Variants in DECR1 observed in about 807,000 individuals in gnomAD.
DECR1 encodes 2,4-dienoyl-CoA reductase 1.
DECR1 carries 44 observed loss-of-function variants against 38.8 expected under a neutral mutation model. The observed-to-expected ratio is 1.13, with a 90% CI of 0.89 to 1.46. The LOEUF (loss-of-function observed/expected upper bound fraction) is 1.46, where lower values mean the gene tolerates loss of function less well. Among genes scored for constraint, DECR1 ranks in the 40% most tolerant of loss-of-function variants. The pLI, the probability that DECR1 is intolerant of heterozygous loss-of-function variation, is 0.00. For missense variants in DECR1, 428 were observed against 405.5 expected, an observed-to-expected ratio of 1.06 and a Z score of -0.48; for synonymous variants, 148 against 135.2, an observed-to-expected ratio of 1.09 and a Z score of -0.66.
intron 1 of DECR1, 192 bp from the exon 2 acceptor site, chr8:90,016,932 C>G: frequency 1.9e-6 from 1 of 528,858 alleles, no homozygotes; most frequent in Non-Finnish European, 3.4e-6. Context: ...GCTATGTAGT[C>G]CAGCTCCAGA....
At chr8:90,047,858 C>G (rs1022056864) in intron 8 of DECR1, among the ~76,000 whole-genome samples, 6 of 152,194 alleles carry the variant, frequency 3.9e-5, no homozygotes, top group Non-Finnish European at 5.9e-5. Context: ...TGCAATCAAA[C>G]GACAACTCAG....
intron 6 of DECR1, among the ~76,000 whole-genome samples, chr8:90,041,345 A>G (rs1190718749): frequency 6.6e-6 from 1 of 151,820 alleles, no homozygotes; most frequent in African/African-American, 2.4e-5. Flanking sequence ...AATTTGTTTA[A>G]GTTCTTTAAG....
intron 8 of DECR1, among the ~76,000 whole-genome samples, chr8:90,051,416 A>C (rs1443544169): frequency 6.6e-6 from 1 of 152,168 alleles, no homozygotes; most frequent in Non-Finnish European, 1.5e-5. Context: ...ATAAATTAAT[A>C]GATGCAGGTT....
At chr8:90,010,115 G>C (rs1417576926) in intron 1 of DECR1, among the ~76,000 whole-genome samples, 1 of 152,230 alleles carries the variant, frequency 6.6e-6, no homozygotes, top group African/African-American at 2.4e-5. Flanking sequence ...GTGGCAACAA[G>C]ATCTGTGCTC....
At chr8:90,005,431 G>C in intron 1 of DECR1, 1 of 456,230 alleles carries the variant, frequency 2.2e-6, no homozygotes, top group South Asian at 1.5e-5. Flanking sequence ...CAAATAAATA[G>C]CATCCGTTTT....
At chr8:90,023,571 G>A (rs947060576) in intron 5 of DECR1, among the ~76,000 whole-genome samples, 11 of 152,030 alleles carry the variant, frequency 7.2e-5, no homozygotes, top group African/African-American at 2.7e-4. Flanking sequence ...CTGGTTCCTA[G>A]TATTAAGAAC....
At chr8:90,034,733 T>A (rs925193975) in intron 5 of DECR1, among the ~76,000 whole-genome samples, 2 of 152,218 alleles carry the variant, frequency 1.3e-5, no homozygotes, top group Non-Finnish European at 2.9e-5. Context: ...ATTACAGGCA[T>A]GAGCCACTGT....
At chr8:90,039,820 C>G (rs1215559915) in intron 6 of DECR1, among the ~76,000 whole-genome samples, 1 of 152,162 alleles carries the variant, frequency 6.6e-6, no homozygotes, top group Non-Finnish European at 1.5e-5. Context: ...GGGAGGGACT[C>G]TCATTTGAGA....
chr8:90,030,664 G>A (rs1428697919), intron 5 of DECR1: 1 of 152,224 alleles, frequency 6.6e-6, no homozygotes, highest in Non-Finnish European at 1.5e-5. Context: ...GAAGAGTAGA[G>A]CATAGCAGAA....
chr8:90,002,530 A>G (rs1302863096), intron 1 of DECR1, among the ~76,000 whole-genome samples: 1 of 152,210 alleles, frequency 6.6e-6, no homozygotes, highest in Non-Finnish European at 1.5e-5. Context: ...CCCTCCCCAC[A>G]TCTAAATTAC....
intron 5 of DECR1, among the ~76,000 whole-genome samples, chr8:90,036,546 A>T (rs1813620170): frequency 3.9e-5 from 6 of 152,148 alleles, no homozygotes; most frequent in African/African-American, 1.2e-4. Flanking sequence ...TGACCAGCTG[A>T]TTATACAAGG....
chr8:90,036,473 C>T (rs1465343092), intron 5 of DECR1, among the ~76,000 whole-genome samples: 1 of 152,110 alleles, frequency 6.6e-6, no homozygotes, highest in Non-Finnish European at 1.5e-5. Context: ...GCAGAAGTCC[C>T]TGCTAGTTTA....
At chr8:90,033,856 A>G (rs903613578) in intron 5 of DECR1, among the ~76,000 whole-genome samples, 6 of 152,100 alleles carry the variant, frequency 3.9e-5, no homozygotes, top group African/African-American at 1.4e-4. Flanking sequence ...CCATTGGAGC[A>G]TTTGCTTTGT....
intron 5 of DECR1, among the ~76,000 whole-genome samples, chr8:90,028,693 C>T (rs558279619): frequency 1.3e-5 from 2 of 151,916 alleles, no homozygotes; most frequent in African/African-American, 4.8e-5. Context: ...TCTTTCCTTC[C>T]TCCCTCCTTC....
chr8:90,031,275 G>A (rs759069981), intron 5 of DECR1, among the ~76,000 whole-genome samples: 1 of 152,042 alleles, frequency 6.6e-6, no homozygotes, highest in Non-Finnish European at 1.5e-5. Flanking sequence ...AATAGTTCCC[G>A]GGGCAGACTA....
At chr8:90,042,168 A>T (rs745950283) in intron 6 of DECR1, among the ~76,000 whole-genome samples, 5 of 152,142 alleles carry the variant, frequency 3.3e-5, no homozygotes, top group Non-Finnish European at 5.9e-5. Flanking sequence ...GCCTAGTTAG[A>T]CATGGATGTG....
At chr8:90,006,957 G>A (rs1812757225) in intron 1 of DECR1, among the ~76,000 whole-genome samples, 1 of 152,166 alleles carries the variant, frequency 6.6e-6, no homozygotes, top group Non-Finnish European at 1.5e-5. Flanking sequence ...GGGAGAAGAG[G>A]AGTAAGTGAC....
intron 1 of DECR1, 145 bp from the exon 2 acceptor site, chr8:90,016,979 A>G (rs1350530723): frequency 3.2e-6 from 2 of 621,788 alleles, no homozygotes; most frequent in Non-Finnish European, 5.6e-6. Flanking sequence ...AAGAATAATA[A>G]TTAAGTACAA....
At chr8:90,009,476 C>T (rs1812829843) in intron 1 of DECR1, among the ~76,000 whole-genome samples, 2 of 150,922 alleles carry the variant, frequency 1.3e-5, no homozygotes, top group Admixed American at 1.3e-4. Flanking sequence ...CAAGGATAAT[C>T]TTGCTGAGAA....
Sources: allele counts gnomAD v4.1 joint callset (sites outside exome capture counted in the v4.1 genomes callset), GRCh38; gene constraint gnomAD v4.1.1; transcripts MANE v1.5; gene names NCBI Gene and HGNC (gene_info 2026-07-23, HGNC 2026-07-21).